KALRN: variants seen among roughly 807,000 people sequenced by gnomAD.
KALRN encodes kalirin.
Under a neutral mutation model 353.7 loss-of-function variants are expected in KALRN, and 70 were observed. The observed-to-expected ratio is 0.20, with a 90% confidence interval of 0.16 to 0.24. KALRN has a LOEUF of 0.24. KALRN is among the 10% of genes least tolerant of loss of function. The pLI is 1.00. For synonymous variants in KALRN, 1,391 were observed against 1,434.8 expected, an observed-to-expected ratio of 0.97 and a Z score of 0.69; for missense variants, 2,791 against 3,756.7, an observed-to-expected ratio of 0.74 and a Z score of 6.72.
rs570370553 is a variant in KALRN, at chr3:124,283,650, G to T, written c.969+14395G>T. 2.0e-5 allele frequency among the ~76,000 whole-genome samples: 3 copies of T among 152,248 alleles called. No homozygotes were observed. The East Asian group carries it at 5.8e-4, about 29-fold the overall frequency. ...CAGGCTCATAGGCTGGAAATAAAATGCAAAAACACCTTATTTAAAGTCTGA... is the reference window on the plus strand; with the variant it reads ...CAGGCTCATAGGCTGGAAATAAAATTCAAAAACACCTTATTTAAAGTCTGA... On this transcript the variant is annotated intron_variant, in intron 5 of 59. Coordinates refer to ENST00000682506, the MANE Select transcript of KALRN (RefSeq NM_001388419.1).
At chr3:124,661,617 T>G (rs373086297) in intron 44 of KALRN, among the ~76,000 whole-genome samples, 39 of 152,254 alleles carry the variant, frequency 2.6e-4, no homozygotes, top group African/African-American at 8.4e-4. Flanking sequence ...CTGAGTAATA[T>G]TCCCCCAACA....
chr3:124,630,969 C>A (rs942733379), intron 34 of KALRN, among the ~76,000 whole-genome samples: 1 of 152,316 alleles, frequency 6.6e-6, no homozygotes, highest in Middle Eastern at 3.4e-3. Flanking sequence ...CCCCTCCATT[C>A]CACTACAGCT....
intron 1 of KALRN, among the ~76,000 whole-genome samples, chr3:124,140,304 A>G (rs150107868): frequency 6.6e-6 from 1 of 152,374 alleles, no homozygotes; most frequent in East Asian, 1.9e-4. Flanking sequence ...TCACAGGAGA[A>G]TGTGTAGTTT....
Position 124,033,779 on chromosome 3 carries a change from A to T in KALRN, c.39A>T (p.Ala13=), listed in dbSNP as rs2039111180. Residue 13 remains alanine (A), a synonymous_variant, in exon 1 of 60, where the codon GCA becomes GCT. Transcript: ENST00000682506. This position sits in a 1 kb window ranked among gnomAD's most constrained non-coding sequence, Gnocchi z 6.2. ...AGGGAGCAGCGGAGGAAGGAGGAGC[A>T]GCAGACTCGGACGTGGACGCCTTTT... is the stretch of plus-strand genomic sequence containing the variant. The part of the protein sequence containing the change: ...PPEGAAEEGG[A]ADSDVDAFFR... 6.6e-6 allele frequency among the ~76,000 whole-genome samples: 1 copy of T among 152,152 alleles called. No individual in the cohort carries two copies. The highest frequency in any genetic ancestry group is 2.4e-5 in the African/African-American group (1 of 41,450).
intron 33 of KALRN, among the ~76,000 whole-genome samples, chr3:124,509,649 T>G (rs1444856341): frequency 2.0e-5 from 3 of 152,248 alleles, no homozygotes; most frequent in Admixed American, 1.3e-4. Context: ...AGTTGACTTT[T>G]TTAAATTAAT....
chr3:124,052,510 T>C (rs2041138377), intron 1 of KALRN, among the ~76,000 whole-genome samples: 1 of 152,136 alleles, frequency 6.6e-6, no homozygotes, highest in Non-Finnish European at 1.5e-5. Context: ...TTGCATCAGA[T>C]AGAGAAGATG....
At chr3:124,713,709 G>A (rs1487255574) in intron 58 of KALRN, among the ~76,000 whole-genome samples, 2 of 152,162 alleles carry the variant, frequency 1.3e-5, no homozygotes, top group Admixed American at 6.5e-5. Flanking sequence ...AGGCTAAGAA[G>A]AGACAGTATG....
rs185486911 is a variant in KALRN, at chr3:124,339,315, C to T, written c.1647+4820C>T. On this transcript the variant is annotated intron_variant, in intron 9 of 59. Transcript: ENST00000682506. ...TCTCTGGACCCTCAGCTGGCTTCCA[C>T]CCAACTTTGGGTCTGCCAGGTGACA... 4.6e-5 allele frequency among the ~76,000 whole-genome samples: 7 copies of T among 152,120 alleles called. No individual in the cohort carries two copies. In the East Asian group the frequency reaches 7.7e-4, roughly 17 times the overall value.
At chr3:124,444,635 C>CAA (rs11370483) in intron 19 of KALRN, among the ~76,000 whole-genome samples, 24 of 134,534 alleles carry the variant, frequency 1.8e-4, no homozygotes, top group Middle Eastern at 3.9e-3. Flanking sequence ...CCCATCTCTA[C>CAA]AAAAAAAAAA....
At chr3:124,703,980 T>C (rs1194746158) in intron 57 of KALRN, among the ~76,000 whole-genome samples, 1 of 152,166 alleles carries the variant, frequency 6.6e-6, no homozygotes, top group East Asian at 1.9e-4. Context: ...GCCTGAAGTA[T>C]ATTTTCAGTA....
chr3:124,334,424 A>C lies in KALRN; in HGVS notation c.1576A>C (p.Ile526Leu). The C allele has an allele frequency of 6.2e-7, 1 of 1,614,186 alleles. No individual in the cohort carries two copies. Among genetic ancestry groups the C allele is most frequent in the Non-Finnish European group, 8.5e-7 (1 of 1,180,024 alleles). The change falls in exon 9 of 60, where the codon ATC becomes CTC. Residue 526 changes from isoleucine (I) to leucine (L), a missense_variant. Physicochemically the swap from Ile to Leu is conservative, Grantham distance 5 (BLOSUM62 2). This residue lies in a region of KALRN where 366 missense variants were observed against 489.2 expected (regional missense o/e 0.75). Transcript: ENST00000682506. The surrounding 1 kb of genome is among the most constrained non-coding windows in gnomAD (Gnocchi z 4.2). ...VLHHQRRLES[I>L]WQHRKVRLHQ... is the part of the protein sequence containing the mutation. ...ACATCACCAGCGACGGCTGGAGAGCATCTGGCAGCACCGCAAGGTGCGGCT... is the reference window on the plus strand; with the variant it reads ...ACATCACCAGCGACGGCTGGAGAGCCTCTGGCAGCACCGCAAGGTGCGGCT...
chr3:124,176,635 A>C (rs532398233), intron 1 of KALRN, among the ~76,000 whole-genome samples: 10 of 152,314 alleles, frequency 6.6e-5, no homozygotes, highest in Admixed American at 3.9e-4. Context: ...ACTCAAGCTT[A>C]ACCATCAACT....
chr3:124,282,829 C>A (rs1159938333), intron 5 of KALRN, among the ~76,000 whole-genome samples: 2 of 152,222 alleles, frequency 1.3e-5, no homozygotes, highest in East Asian at 3.9e-4. Flanking sequence ...GCTGGAAACA[C>A]TGCCAAGCTT....
chr3:124,651,078 C>T (rs2083365188), intron 38 of KALRN, 140 bp downstream of exon 38: 1 of 1,007,736 alleles, frequency 9.9e-7, no homozygotes, highest in African/African-American at 1.6e-5. Flanking sequence ...ATCTGTACAG[C>T]ATAGCACTGA....
At chr3:124,176,492 T>C (rs2072777964) in intron 1 of KALRN, among the ~76,000 whole-genome samples, 1 of 152,092 alleles carries the variant, frequency 6.6e-6, no homozygotes, top group Non-Finnish European at 1.5e-5. Context: ...GGGATATCAA[T>C]TGGAACCAAA....
At chr3:124,233,035 C>G (rs1394288078) in intron 2 of KALRN, among the ~76,000 whole-genome samples, 1 of 152,084 alleles carries the variant, frequency 6.6e-6, no homozygotes, top group Non-Finnish European at 1.5e-5. Flanking sequence ...AGCTCCCCGG[C>G]CGTGATCCTG....
chr3:124,713,178 T>C lies in KALRN; in HGVS notation c.8276+43T>C, dbSNP rs1389451648. ...CTCTCTAAAGTCGCCTGCATCCATT[T>C]AGGTTAGCTTTTGCCCACAATTAAT... On this transcript the variant is annotated intron_variant, in intron 58 of 59. Transcript: ENST00000682506. 4.6e-6 allele frequency: 7 copies of C among 1,529,006 alleles called. No homozygotes were observed. In the East Asian group the frequency reaches 1.6e-4, roughly 35 times the overall value. 94.7% of individuals were successfully genotyped at this position (1,529,006 alleles called of 1,614,324 possible). A position where few individuals can be genotyped will look rare whatever the true frequency, so the allele number is the denominator to read the frequency against.
intron 33 of KALRN, among the ~76,000 whole-genome samples, chr3:124,557,258 T>C (rs2071378367): frequency 6.6e-6 from 1 of 152,164 alleles, no homozygotes; most frequent in Non-Finnish European, 1.5e-5. Flanking sequence ...TATTTTAGTA[T>C]TGGGGCAGGG....
intron 33 of KALRN, chr3:124,504,927 C>G (rs774298962): frequency 5.9e-6 from 3 of 508,160 alleles, no homozygotes; most frequent in East Asian, 5.8e-5. Context: ...TAGCTGGAGA[C>G]AGTCCAAGGC....
Sources: gnomAD v4.1 joint callset for allele counts (sites outside exome capture counted in the v4.1 genomes callset) on GRCh38, gnomAD v4.1.1 for gene constraint, gnomAD v4.1.1 regional missense constraint, Gnocchi (gnomAD v3.1) non-coding constraint, MANE v1.5 for transcripts, NCBI Gene and HGNC (gene_info 2026-07-23, HGNC 2026-07-21) for gene names.